VCAN: variants seen among roughly 807,000 people sequenced by gnomAD.
VCAN encodes versican core protein.
Under a neutral mutation model 245.5 loss-of-function variants are expected in VCAN, and 44 were observed. The ratio of observed to expected loss-of-function variants is 0.18; its 90% CI spans 0.14 to 0.23. The LOEUF is 0.23. Among genes scored for constraint, VCAN ranks in the 10% least tolerant of loss-of-function variants. The probability of loss-of-function intolerance (pLI) is 1.00; values close to 1 mark genes in which losing one functional copy is unlikely to be tolerated. For synonymous variants in VCAN, 1,413 were observed against 1,437.0 expected, an observed-to-expected ratio of 0.98 and a Z score of 0.38; for missense variants, 3,793 against 4,057.9, an observed-to-expected ratio of 0.93 and a Z score of 1.77.
intron 10 of VCAN, among the ~76,000 whole-genome samples, chr5:83,551,903 G>A (rs1339247465): frequency 6.6e-6 from 1 of 152,146 alleles, no homozygotes; most frequent in East Asian, 1.9e-4. Flanking sequence ...GAGGCACTGA[G>A]TGCTACTTTT....
At chr5:83,570,387 T>C (rs1021127681) in intron 12 of VCAN, among the ~76,000 whole-genome samples, 3 of 152,288 alleles carry the variant, frequency 2.0e-5, no homozygotes, top group Middle Eastern at 3.4e-3. Context: ...TTTGGCAGGA[T>C]TGAGGAGGAC....
chr5:83,553,068 A>G (rs1381262783), intron 10 of VCAN, among the ~76,000 whole-genome samples: 2 of 152,232 alleles, frequency 1.3e-5, no homozygotes, highest in Non-Finnish European at 1.5e-5. Flanking sequence ...AGCCAGTGCT[A>G]TAGCAGCCCA....
rs141165411 is a variant in VCAN at position 83,519,229 on chromosome 5, A to G, written c.1043-120A>G. ...TTTTAAGACTCCTCTCCATCACAGAACATTTCTGGGCCACCCAAAAATACT... is the reference window on the plus strand; with the variant it reads ...TTTTAAGACTCCTCTCCATCACAGAGCATTTCTGGGCCACCCAAAAATACT... On this transcript the variant is annotated intron_variant, in intron 6 of 14. Coordinates refer to ENST00000265077, the MANE Select transcript of VCAN (RefSeq NM_004385.5). 1.5e-3 allele frequency: 1,389 copies of G among 947,174 alleles called. 18 individuals are homozygous for G. In the African/African-American group the frequency reaches 0.021, roughly 14 times the overall value. The allele number at this position is 947,174 out of a possible 1,614,324, so 58.7% of individuals were successfully genotyped here.
At position 83,580,309 on chromosome 5, in the gene VCAN, T is replaced by C; in HGVS notation, c.10066T>C (p.Ser3356Pro). 1.2e-6 allele frequency: 2 copies of C among 1,613,976 alleles called. No individual in the cohort carries two copies. The highest frequency in any genetic ancestry group is 1.7e-6 in the Non-Finnish European group (2 of 1,179,972). Residue 3356 changes from serine to proline, a missense_variant and splice_region_variant, in exon 15 of 15, where the codon TCT (serine) becomes CCT (proline). Physicochemically the swap from Ser to Pro is moderately conservative, Grantham distance 74. Around this residue, in one of 5 missense-constraint regions of VCAN, gnomAD observed 205 missense variants for 321.1 expected, o/e 0.64. Coordinates refer to ENST00000265077, the MANE Select transcript of VCAN (RefSeq NM_004385.5). ...AIPKITCMNP[S>P]AYQRTYSMKY... ...TTTCTTTCTTTCCTTCCATGTAGCA[T>C]CTGCATACCAAAGGACTTATTCTAT...
At chr5:83,525,483 C>A (rs138003627) in intron 7 of VCAN, among the ~76,000 whole-genome samples, 1 of 152,004 alleles carries the variant, frequency 6.6e-6, no homozygotes, top group African/African-American at 2.4e-5. Flanking sequence ...TAAAAACTGA[C>A]AAACAGGTAT....
chr5:83,493,737 C>T lies in VCAN; in HGVS notation c.620+17C>T. The T allele has an allele frequency of 6.2e-7, 1 of 1,614,066 alleles. No homozygotes were observed. ...GACTGTCAGGTAAGAGGTCTGGGGG[C>T]CACAGGCTTCATTATTAACTTGAGA... On this transcript the variant is annotated intron_variant, in intron 4 of 14. Transcript: ENST00000265077.
At chr5:83,474,755 G>T (rs1744324031) in intron 1 of VCAN, among the ~76,000 whole-genome samples, 1 of 152,256 alleles carries the variant, frequency 6.6e-6, no homozygotes, top group African/African-American at 2.4e-5. Flanking sequence ...AGAGCCGAGT[G>T]GCCTCGCCCC....
intron 5 of VCAN, among the ~76,000 whole-genome samples, chr5:83,507,394 T>C (rs1305660229): frequency 3.3e-5 from 5 of 152,230 alleles, no homozygotes; most frequent in African/African-American, 1.2e-4. Flanking sequence ...CTGAAGGCTG[T>C]GCATTCCCTG....
rs769060150 is a variant in VCAN at position 83,540,653 on chromosome 5, G to C, written c.7650G>C (p.Glu2550Asp). 2 of 1,613,768 alleles carry C rather than the reference G, an allele frequency of 1.2e-6. No individual in the cohort carries two copies. The highest frequency in any genetic ancestry group is 2.2e-5 in the East Asian group (1 of 44,848). ...ATATTATCATAGACCTGGACAAAGA[G>C]GACAAGGATTTAATATTGACAATTA... ...TENIIIDLDK[E>D]DKDLILTITE... The change falls in exon 8 of 15, where the codon GAG becomes GAC. Residue 2550 changes from glutamate to aspartate, a missense_variant. By Grantham distance (45) the Glu-to-Asp change is conservative. Transcript: ENST00000265077.
chr5:83,573,597 A>G (rs1748371002), intron 13 of VCAN, among the ~76,000 whole-genome samples: 1 of 152,218 alleles, frequency 6.6e-6, no homozygotes, highest in Non-Finnish European at 1.5e-5. Flanking sequence ...GATTTATTAG[A>G]GAAACATATA....
intron 1 of VCAN, among the ~76,000 whole-genome samples, chr5:83,477,101 T>C (rs573489574): frequency 2.4e-4 from 36 of 152,270 alleles, no homozygotes; most frequent in African/African-American, 8.4e-4. Context: ...AGCAAAGATA[T>C]TACTTTTGGA....
At chr5:83,546,303 A>T (rs1309060172) in intron 9 of VCAN, among the ~76,000 whole-genome samples, 5 of 152,146 alleles carry the variant, frequency 3.3e-5, no homozygotes, top group African/African-American at 9.7e-5. Context: ...TGAGAAAAGA[A>T]TGATGAAATA....
chr5:83,499,768 G>A (rs1016759122), intron 5 of VCAN, among the ~76,000 whole-genome samples: 3 of 151,914 alleles, frequency 2.0e-5, no homozygotes, highest in Admixed American at 6.6e-5. Context: ...TCAATTATAG[G>A]TTATTATTTT....
At chr5:83,493,419 G>A in intron 3 of VCAN, 127 bp from the exon 4 acceptor site, 5 of 1,256,714 alleles carry the variant, frequency 4.0e-6, no homozygotes, top group Non-Finnish European at 4.5e-6. Flanking sequence ...TGAAGTAAAA[G>A]TAAATAATTA....
intron 13 of VCAN, among the ~76,000 whole-genome samples, chr5:83,576,521 T>A (rs925649729): frequency 2.6e-5 from 4 of 152,182 alleles, no homozygotes; most frequent in African/African-American, 9.6e-5. Flanking sequence ...ATAAACAATG[T>A]TTCTATGAGC....
intron 13 of VCAN, among the ~76,000 whole-genome samples, chr5:83,577,174 C>G (rs941454699): frequency 1.3e-5 from 2 of 152,150 alleles, no homozygotes; most frequent in Middle Eastern, 3.4e-3. Flanking sequence ...ATTAATCCGC[C>G]TGGGGGAGGT....
chr5:83,504,689 T>C (rs1339428415), intron 5 of VCAN, among the ~76,000 whole-genome samples: 1 of 152,204 alleles, frequency 6.6e-6, no homozygotes, highest in Non-Finnish European at 1.5e-5. Flanking sequence ...GCCTGATGAA[T>C]TCTTATTATA....
At chr5:83,486,172 A>G (rs561495124) in intron 2 of VCAN, among the ~76,000 whole-genome samples, 22 of 152,116 alleles carry the variant, frequency 1.4e-4, no homozygotes, top group Non-Finnish European at 2.1e-4. Context: ...TTCCTCCTCC[A>G]TGTTCCCCTT....
At chr5:83,488,804 A>T (rs1744870240) in intron 2 of VCAN, among the ~76,000 whole-genome samples, 1 of 152,216 alleles carries the variant, frequency 6.6e-6, no homozygotes, top group African/African-American at 2.4e-5. Context: ...TAAATTAGTG[A>T]TTTATATTGT....
Sources: gnomAD v4.1 joint callset for allele counts (sites outside exome capture counted in the v4.1 genomes callset) on GRCh38, gnomAD v4.1.1 for gene constraint, gnomAD v4.1.1 regional missense constraint, MANE v1.5 for transcripts, NCBI Gene and HGNC (gene_info 2026-07-23, HGNC 2026-07-21) for gene names.